The following PTPRD variants were observed in gnomAD, a reference collection of about 807,000 sequenced individuals.
PTPRD encodes the protein protein tyrosine phosphatase receptor type D.
A neutral mutation model predicts 214.5 loss-of-function variants in PTPRD; 34 were observed. The observed-to-expected ratio is 0.16, with a 90% CI of 0.12 to 0.21. The LOEUF (loss-of-function observed/expected upper bound fraction) is 0.21. PTPRD is among the 10% of genes least tolerant of loss of function. PTPRD has a pLI of 1.00. For synonymous variants in PTPRD, 1,128 were observed against 845.7 expected (o/e 1.33, Z -5.79); for missense variants, 2,545 against 2,398.7 (o/e 1.06, Z -1.27).
At chr9:10,254,058 T>G (rs544894194) in intron 3 of PTPRD, among the ~76,000 whole-genome samples, 5 of 152,342 alleles carry the variant, frequency 3.3e-5, no homozygotes, top group African/African-American at 1.2e-4. Context: ...GCACGTTTTC[T>G]GAGCAAATTT....
intron 7 of PTPRD, among the ~76,000 whole-genome samples, chr9:9,704,334 C>T (rs948683215): frequency 6.6e-6 from 1 of 151,744 alleles, no homozygotes; most frequent in East Asian, 1.9e-4. Context: ...TCTGTTTAAT[C>T]ATAGTTAGTA....
intron 5 of PTPRD, among the ~76,000 whole-genome samples, chr9:9,894,077 C>T (rs529692894): frequency 6.6e-6 from 1 of 152,114 alleles, no homozygotes; most frequent in African/African-American, 2.4e-5. Flanking sequence ...CCTTGGCCTC[C>T]TAACGCTGTG....
chr9:8,396,443 A>T (rs1486502209), intron 36 of PTPRD, among the ~76,000 whole-genome samples: 3 of 152,138 alleles, frequency 2.0e-5, no homozygotes, highest in Non-Finnish European at 4.4e-5. Context: ...ACCATAGATG[A>T]TGTAGGTTTA....
chr9:8,832,174 C>A (rs975852766), intron 11 of PTPRD, among the ~76,000 whole-genome samples: 5 of 150,950 alleles, frequency 3.3e-5, no homozygotes, highest in Admixed American at 6.6e-5. Context: ...CAAGACAGTA[C>A]CTAAATATAT....
In PTPRD at chr9:10,548,493, A is replaced by G. The variant is rs558191449; in HGVS notation, c.-600+63905T>C. Among the ~76,000 whole-genome samples the G allele has an allele frequency of 1.4e-3, 215 of 152,290 alleles. 1 individual carries two copies. Among genetic ancestry groups the G allele is most frequent in the African/African-American group, 4.8e-3 (198 of 41,580 alleles). On this transcript the variant is annotated intron_variant, in intron 2 of 45. Coordinates refer to ENST00000381196, the MANE Select transcript of PTPRD (RefSeq NM_002839.4). Reference sequence around the variant, plus strand: ...AACCCAAGGGGCTCAGCCACCACCAATGAGGGCTCAGCTGTTCTGTGAAAG... The same window carrying G: ...AACCCAAGGGGCTCAGCCACCACCAGTGAGGGCTCAGCTGTTCTGTGAAAG...
At chr9:8,985,307 A>T (rs1165682086) in intron 11 of PTPRD, among the ~76,000 whole-genome samples, 5 of 152,064 alleles carry the variant, frequency 3.3e-5, no homozygotes, top group Non-Finnish European at 4.4e-5. Flanking sequence ...GCTTTATTCA[A>T]TATAAAAATT....
At chr9:8,727,518 G>C (rs1350684863) in intron 12 of PTPRD, among the ~76,000 whole-genome samples, 2 of 152,186 alleles carry the variant, frequency 1.3e-5, no homozygotes, top group African/African-American at 4.8e-5. Flanking sequence ...AATGAAGGCT[G>C]ATAAACATGG....
chr9:10,452,612 T>C (rs2098849253), intron 2 of PTPRD, among the ~76,000 whole-genome samples: 1 of 151,864 alleles, frequency 6.6e-6, no homozygotes, highest in African/African-American at 2.4e-5. Context: ...CTAGTGGCCA[T>C]TTGTATGTCT....
intron 12 of PTPRD, among the ~76,000 whole-genome samples, chr9:8,691,396 GAA>G (rs58521011): frequency 0.34 from 38,135 of 113,514 alleles, 5,332 homozygotes; most frequent in African/African-American, 0.45. Flanking sequence ...CTTCTCTAGA[GAA>G]AAAAAAAAAA....
At chr9:8,609,573 A>T (rs1242837463) in intron 14 of PTPRD, among the ~76,000 whole-genome samples, 1 of 152,036 alleles carries the variant, frequency 6.6e-6, no homozygotes, top group Admixed American at 6.5e-5. Context: ...CTGCTCATCC[A>T]TACACAAAAA....
intron 9 of PTPRD, among the ~76,000 whole-genome samples, chr9:9,335,834 C>A (rs1362520096): frequency 6.6e-6 from 1 of 152,022 alleles, no homozygotes; most frequent in East Asian, 1.9e-4. Context: ...TTTGGACTTT[C>A]AACTTTTGCA....
intron 7 of PTPRD, among the ~76,000 whole-genome samples, chr9:9,701,468 T>G (rs2154412772): frequency 6.6e-6 from 1 of 152,060 alleles, no homozygotes; most frequent in Middle Eastern, 3.4e-3. Context: ...TACTAAAGAG[T>G]TAGTACTCAA....
chr9:8,749,795 A>G (rs1598662667), intron 11 of PTPRD, among the ~76,000 whole-genome samples: 1 of 152,270 alleles, frequency 6.6e-6, no homozygotes, highest in East Asian at 1.9e-4. Flanking sequence ...GAGACTTATA[A>G]TAAACGTACA....
At chr9:9,489,332 A>T (rs945640343) in intron 8 of PTPRD, among the ~76,000 whole-genome samples, 9 of 152,204 alleles carry the variant, frequency 5.9e-5, no homozygotes, top group African/African-American at 2.2e-4. Context: ...TTACTACATT[A>T]TTAGATTCAA....
intron 9 of PTPRD, among the ~76,000 whole-genome samples, chr9:9,317,497 C>T (rs1002352829): frequency 6.6e-6 from 1 of 152,032 alleles, no homozygotes; most frequent in African/African-American, 2.4e-5. Context: ...GAAGTTCTGT[C>T]TACCCCACCT....
At chr9:9,975,803 A>G (rs894725918) in intron 4 of PTPRD, among the ~76,000 whole-genome samples, 3 of 152,160 alleles carry the variant, frequency 2.0e-5, no homozygotes, top group Admixed American at 6.5e-5. Flanking sequence ...CCTTGATTGC[A>G]TTACTTGTTA....
intron 10 of PTPRD, among the ~76,000 whole-genome samples, chr9:9,084,198 TAC>T (rs1233805887): frequency 1.3e-5 from 2 of 152,192 alleles, no homozygotes; most frequent in Non-Finnish European, 2.9e-5. Context: ...GTGGCACATT[TAC>T]ACCATGGAAT....
At chr9:9,041,160 A>C (rs1464959810) in intron 10 of PTPRD, among the ~76,000 whole-genome samples, 1 of 152,070 alleles carries the variant, frequency 6.6e-6, no homozygotes, top group Non-Finnish European at 1.5e-5. Context: ...ATGGGGGAAT[A>C]TATATGAAAA....
At chr9:10,482,238 G>A (rs907593995) in intron 2 of PTPRD, among the ~76,000 whole-genome samples, 1 of 151,850 alleles carries the variant, frequency 6.6e-6, no homozygotes, top group Non-Finnish European at 1.5e-5. Flanking sequence ...GGGCGTGGTG[G>A]CGGGTGCCTG....
Sources: allele counts gnomAD v4.1 joint callset (sites outside exome capture counted in the v4.1 genomes callset), GRCh38; gene constraint gnomAD v4.1.1; transcripts MANE v1.5; gene names NCBI Gene and HGNC (gene_info 2026-07-23, HGNC 2026-07-21).